Variants in NEB observed in about 807,000 individuals in gnomAD.
The protein encoded by NEB is nebulin, also known as nemaline myopathy type 2.
In NEB, 512 loss-of-function variants were observed where a neutral mutation model predicts 952.2. That is an observed-to-expected ratio of 0.54 (90% CI 0.50 to 0.58). NEB has a LOEUF of 0.58. NEB is among the 20% of genes least tolerant of loss of function. The pLI, the probability that NEB is intolerant of heterozygous loss-of-function variation, is 0.00. For synonymous variants in NEB, 2,900 were observed against 3,149.8 expected (o/e 0.92, Z 2.66); for missense variants, 8,428 against 9,231.1 (o/e 0.91, Z 3.56).
intron 32 of NEB, among the ~76,000 whole-genome samples, chr2:151,679,505 G>A (rs950193450): frequency 6.6e-6 from 1 of 152,070 alleles, no homozygotes; most frequent in Non-Finnish European, 1.5e-5. Flanking sequence ...TTTAAATGAG[G>A]GGGCTTGATT....
chr2:151,673,564 A>T (rs952992901), intron 36 of NEB, among the ~76,000 whole-genome samples: 10 of 152,064 alleles, frequency 6.6e-5, no homozygotes, highest in African/African-American at 2.2e-4. Context: ...TTTCAGTATC[A>T]TTCCTACAAG....
chr2:151,670,829 AT>A (rs1281572834), intron 38 of NEB, among the ~76,000 whole-genome samples, 193 bp downstream of exon 38: 2 of 152,270 alleles, frequency 1.3e-5, no homozygotes, highest in African/African-American at 2.4e-5. Flanking sequence ...ATAGTCCCCC[AT>A]TTTCATCTCC....
At position 151,565,791 on chromosome 2, in the gene NEB, G is replaced by A. The variant is rs755734109; in HGVS notation, c.18186C>T (p.Leu6062=). 4 of 1,611,666 alleles carry A rather than the reference G, an allele frequency of 2.5e-6. No homozygotes were observed. The highest frequency in any genetic ancestry group is 3.4e-6 in the Non-Finnish European group (4 of 1,178,900). The change falls in exon 115 of 182, where the codon CTC becomes CTT. Residue 6062 remains leucine, a synonymous_variant. Coordinates refer to ENST00000397345, the MANE Select transcript of NEB (RefSeq NM_001164508.2). ...CCAGTGGGATCCAGCCAATGCCTCG[G>A]AGCCACTCCAGGTCAGCTCTGTAGA... is the stretch of plus-strand genomic sequence containing the variant. ...DNVYRADLEW[L]RGIGWIPLDS... is the part of the protein sequence containing the mutation.
chr2:151,715,650 T>C (rs866465769), intron 10 of NEB, among the ~76,000 whole-genome samples: 13 of 152,232 alleles, frequency 8.5e-5, no homozygotes, highest in African/African-American at 2.4e-4. Context: ...GGAAGGGGTC[T>C]CTCACCAGGA....
chr2:151,655,745 T>C (rs1409877888), intron 50 of NEB, 72 bp downstream of exon 50: 3 of 1,510,528 alleles, frequency 2.0e-6, no homozygotes, highest in Admixed American at 1.7e-5. Context: ...ATTAGATTTC[T>C]CCAAACAAGA....
intron 54 of NEB, 42 bp downstream of exon 54, chr2:151,650,134 T>A (rs1296828351): frequency 1.3e-6 from 2 of 1,577,416 alleles, no homozygotes; most frequent in South Asian, 2.2e-5. Context: ...AAACACTAGG[T>A]AGCAGGCACT....
Position 151,575,662 on chromosome 2 carries a change from C to T in NEB, c.17013+33G>A, listed in dbSNP as rs200479578. The T allele has an allele frequency of 5.3e-5, 77 of 1,453,738 alleles. No individual in the cohort carries two copies. The East Asian group carries it at 1.6e-3, about 30-fold the overall frequency. 90.1% of individuals were successfully genotyped at this position (1,453,738 alleles called of 1,614,324 possible). On this transcript the variant is annotated intron_variant, in intron 107 of 181. Coordinates refer to ENST00000397345, the MANE Select transcript of NEB (RefSeq NM_001164508.2). The stretch of plus-strand genomic sequence containing the variant: ...AGTATAGCCCTGACTGGGTAACTTT[C>T]CAAACAAAAAGAGAGTCTGTTGTAG...
intron 135 of NEB, among the ~76,000 whole-genome samples, chr2:151,545,535 A>T (rs912875377): frequency 6.6e-6 from 1 of 152,014 alleles, no homozygotes; most frequent in African/African-American, 2.4e-5. Context: ...AGATTGCGCC[A>T]TTGCACTTCA....
intron 54 of NEB, among the ~76,000 whole-genome samples, chr2:151,648,521 C>G (rs1482908363): frequency 6.6e-6 from 1 of 152,196 alleles, no homozygotes; most frequent in East Asian, 1.9e-4. Context: ...GCCTTCAGTG[C>G]ATCCATCACT....
chr2:151,532,015 A>T, intron 143 of NEB, 119 bp from the exon 144 acceptor site: 2 of 634,600 alleles, frequency 3.2e-6, no homozygotes, highest in South Asian at 4.2e-5. Flanking sequence ...TTTAATTCCT[A>T]ACTGGAAATG....
chr2:151,524,771 A>G (rs2084578968), intron 151 of NEB, among the ~76,000 whole-genome samples, 155 bp from the exon 152 acceptor site: 2 of 131,798 alleles, frequency 1.5e-5, no homozygotes, highest in African/African-American at 5.7e-5. Context: ...GATTCAAGTG[A>G]TTCTTCTGCC....
At position 151,643,362 on chromosome 2, in the gene NEB, G is replaced by T. The variant is rs747482412; in HGVS notation, c.7957-9C>A. ...TCTGACTTGTACAAATTCTGAAAGT[G>T]CAAGTGACAAATTTGTCATAATTAA... On this transcript the variant is annotated splice_polypyrimidine_tract_variant and intron_variant, in intron 57 of 181. Transcript: ENST00000397345. 8.2e-6 allele frequency: 13 copies of T among 1,590,704 alleles called. No individual in the cohort carries two copies. In the East Asian group the frequency reaches 2.7e-4, roughly 33 times the overall value.
intron 39 of NEB, among the ~76,000 whole-genome samples, chr2:151,668,553 G>A (rs2154184491): frequency 6.6e-6 from 1 of 151,998 alleles, no homozygotes; most frequent in Admixed American, 6.6e-5. Context: ...TTTAAAAAAG[G>A]AAACAATTCA....
intron 161 of NEB, among the ~76,000 whole-genome samples, chr2:151,509,629 T>G (rs141919540): frequency 1.6e-4 from 24 of 152,094 alleles, no homozygotes; most frequent in African/African-American, 3.9e-4. Flanking sequence ...TTTTTGTTTG[T>G]TTGGTTTTTT....
At chr2:151,539,786 G>A (rs951047134) in intron 138 of NEB, among the ~76,000 whole-genome samples, 5 of 152,176 alleles carry the variant, frequency 3.3e-5, no homozygotes, top group Non-Finnish European at 5.9e-5. Context: ...TAACCACTGT[G>A]TCATGCATCA....
chr2:151,553,025 C>T (rs2095427658), intron 127 of NEB, among the ~76,000 whole-genome samples: 1 of 152,172 alleles, frequency 6.6e-6, no homozygotes, highest in African/African-American at 2.4e-5. Context: ...ATCCTCATTA[C>T]AGTATTTAAT....
In NEB at chr2:151,636,317, A is replaced by G; in HGVS notation, c.9012T>C (p.Ala3004=). 2 of 1,607,002 alleles carry G rather than the reference A, an allele frequency of 1.2e-6. No homozygotes were observed. The highest frequency in any genetic ancestry group is 8.5e-7 in the Non-Finnish European group (1 of 1,179,558). ...AGCCTTTCTTCTTTGCTTCTTCATT[A>G]GCAAGTTTGTACAGACTCTAAATTT... ...INYSESLYKL[A]NEEAKKKGYD... is the part of the protein sequence containing the mutation. Residue 3004 remains alanine (A), a synonymous_variant, in exon 64 of 182, where the codon GCT becomes GCC. Coordinates refer to ENST00000397345, the MANE Select transcript of NEB (RefSeq NM_001164508.2).
At chr2:151,706,326 T>C (rs182440406) in intron 13 of NEB, among the ~76,000 whole-genome samples, 2 of 152,250 alleles carry the variant, frequency 1.3e-5, no homozygotes, top group Admixed American at 1.3e-4. Context: ...ACTCAAATCA[T>C]CACATATTCA....
chr2:151,655,446 A>G, intron 50 of NEB, 72 bp from the exon 51 acceptor site: 3 of 805,054 alleles, frequency 3.7e-6, no homozygotes, highest in Non-Finnish European at 5.8e-6. Context: ...ATGTATTTAT[A>G]TATTAGTACT....
Sources: allele counts gnomAD v4.1 joint callset (sites outside exome capture counted in the v4.1 genomes callset), GRCh38; gene constraint gnomAD v4.1.1; transcripts MANE v1.5; gene names NCBI Gene and HGNC (gene_info 2026-07-23, HGNC 2026-07-21).